Variants in CYP2J2 observed in about 807,000 individuals in gnomAD.
CYP2J2 encodes cytochrome P450 family 2 subfamily J member 2, also known as cytochrome P450 2J2.
In CYP2J2, 41 loss-of-function variants were observed where a neutral mutation model predicts 48.8. That is an observed-to-expected ratio of 0.84 (90% CI 0.66 to 1.09). The LOEUF (loss-of-function observed/expected upper bound fraction) is 1.09. CYP2J2 is among the 50% of genes least tolerant of loss of function. The pLI, the probability that CYP2J2 is intolerant of heterozygous loss-of-function variation, is 0.00. For synonymous variants in CYP2J2, 221 were observed against 227.1 expected (o/e 0.97, Z 0.24); for missense variants, 644 against 617.3 (o/e 1.04, Z -0.46).
intron 6 of CYP2J2, among the ~76,000 whole-genome samples, chr1:59,906,139 T>A (rs544575252): frequency 6.6e-6 from 1 of 152,320 alleles, no homozygotes; most frequent in African/African-American, 2.4e-5. Context: ...TGAGCCGAGA[T>A]GGTGCCACTG....
chr1:59,904,138 C>T (rs888291969), intron 7 of CYP2J2, among the ~76,000 whole-genome samples: 17 of 152,036 alleles, frequency 1.1e-4, no homozygotes, highest in African/African-American at 3.9e-4. Context: ...TTTGGGAGGC[C>T]GAGGTGGGTG....
At position 59,912,163 on chromosome 1, in the gene CYP2J2, G is replaced by A. The variant is rs772309732; in HGVS notation, c.522C>T (p.Asn174=). Reference sequence around the variant, plus strand: ...ACCTCTGTCATATGCAATGCTCACCGTTCTCCTCTTTTATTGCTTCAGTGA... The same window carrying A: ...ACCTCTGTCATATGCAATGCTCACCATTCTCCTCTTTTATTGCTTCAGTGA... ...QHLTEAIKEE[N]GQPFDPHFKI... Residue 174 remains asparagine (N), a splice_region_variant and synonymous_variant, in exon 3 of 9, where the codon AAC becomes AAT. Transcript: ENST00000371204. The A allele has an allele frequency of 1.8e-5, 29 of 1,612,150 alleles. No homozygotes were observed. Among genetic ancestry groups the A allele is most frequent in the Middle Eastern group, 1.6e-4 (1 of 6,070 alleles).
intron 6 of CYP2J2, among the ~76,000 whole-genome samples, chr1:59,906,044 G>A (rs1403341124): frequency 6.6e-6 from 1 of 152,134 alleles, no homozygotes; most frequent in Non-Finnish European, 1.5e-5. Flanking sequence ...AAATTAGCCG[G>A]GCGTGGTGGC....
the CYP2J2 span, among the ~76,000 whole-genome samples, chr1:59,959,551 G>GAT: frequency 4.2e-4 from 63 of 151,498 alleles, no homozygotes; most frequent in East Asian, 4.5e-3. Flanking sequence ...AAATGTGAGA[G>GAT]ATATATATAT....
At chr1:59,915,317 T>A (rs1031410014) in intron 2 of CYP2J2, among the ~76,000 whole-genome samples, 3 of 152,228 alleles carry the variant, frequency 2.0e-5, no homozygotes, top group Non-Finnish European at 4.4e-5. Flanking sequence ...CAGTCTCTTG[T>A]CCCACTTGAG....
intron 7 of CYP2J2, among the ~76,000 whole-genome samples, chr1:59,901,928 T>C (rs999729025): frequency 6.6e-5 from 10 of 152,114 alleles, no homozygotes; most frequent in African/African-American, 2.4e-4. Context: ...CCACTGCTCA[T>C]ACCTAGGACT....
chr1:59,955,036 G>A, the CYP2J2 span, among the ~76,000 whole-genome samples: 1 of 151,892 alleles, frequency 6.6e-6, no homozygotes, highest in African/African-American at 2.4e-5. Flanking sequence ...TACTTGGGAG[G>A]CTGAGGTGGG....
chr1:59,911,671 C>G lies in CYP2J2; in HGVS notation c.621G>C (p.Trp207Cys), dbSNP rs1644415543. 4 of 1,613,232 alleles carry G rather than the reference C, an allele frequency of 2.5e-6. No homozygotes were observed. Among genetic ancestry groups the G allele is most frequent in the Non-Finnish European group, 3.4e-6 (4 of 1,179,450 alleles). ...FGERFEYQDS[W>C]FQQLLKLLDE... Reference sequence around the variant, plus strand: ...CTAGTAACTTCAGCAGCTGCTGAAACCAACTATCCTGGTACTCAAAGCGTT... The same window carrying G: ...CTAGTAACTTCAGCAGCTGCTGAAAGCAACTATCCTGGTACTCAAAGCGTT... The change falls in exon 4 of 9, where the codon TGG (tryptophan) becomes TGC (cysteine). Residue 207 changes from tryptophan (W) to cysteine (C), a missense_variant. Trp to Cys is a radical substitution (Grantham distance 215, BLOSUM62 -2). Coordinates refer to ENST00000371204, the MANE Select transcript of CYP2J2 (RefSeq NM_000775.4).
chr1:59,909,177 T>A (rs1465040484), intron 5 of CYP2J2, among the ~76,000 whole-genome samples: 1 of 152,196 alleles, frequency 6.6e-6, no homozygotes, highest in South Asian at 2.1e-4. Context: ...AATCCTGAGT[T>A]AATGCTACCC....
chr1:59,894,429 T>C (rs1343574126), intron 8 of CYP2J2, among the ~76,000 whole-genome samples: 1 of 152,144 alleles, frequency 6.6e-6, no homozygotes, highest in African/African-American at 2.4e-5. Flanking sequence ...GCATTTCTTC[T>C]GAAGTGTGGC....
chr1:59,928,625 G>C (rs1644588362), upstream of CYP2J2, among the ~76,000 whole-genome samples: 1 of 152,204 alleles, frequency 6.6e-6, no homozygotes. Flanking sequence ...GACTGGCTAA[G>C]AGGTCTAGGG....
chr1:59,913,566 A>C (rs1372663854), intron 2 of CYP2J2, among the ~76,000 whole-genome samples: 1 of 152,116 alleles, frequency 6.6e-6, no homozygotes, highest in Non-Finnish European at 1.5e-5. Context: ...TACCCATTTG[A>C]GTGTCACCTC....
At chr1:59,913,208 A>G (rs757593118) in intron 2 of CYP2J2, 3 of 152,126 alleles carry the variant, frequency 2.0e-5, no homozygotes, top group African/African-American at 7.2e-5. Flanking sequence ...GCAACTTCCT[A>G]TATATTTTGC....
In CYP2J2 at chr1:59,918,488, T is replaced by C. The variant is rs76476616; in HGVS notation, c.211-2388A>G. On this transcript the variant is annotated intron_variant, in intron 1 of 8. Coordinates refer to ENST00000371204, the MANE Select transcript of CYP2J2 (RefSeq NM_000775.4). The stretch of plus-strand genomic sequence containing the variant: ...TAGATAAAAAACTTGTATGGTATTA[T>C]CAACTGTTTAAACACGGGGTAGGAG... Among the ~76,000 whole-genome samples the C allele has an allele frequency of 4.2e-3, 637 of 152,298 alleles. 2 individuals are homozygous for C. Among genetic ancestry groups the C allele is most frequent in the Middle Eastern group, 0.01 (3 of 294 alleles).
chr1:59,903,937 C>T (rs1644343005), intron 7 of CYP2J2, among the ~76,000 whole-genome samples: 1 of 152,216 alleles, frequency 6.6e-6, no homozygotes, highest in African/African-American at 2.4e-5. Flanking sequence ...AGTAAACTTA[C>T]TCTGAGAATT....
the CYP2J2 span, among the ~76,000 whole-genome samples, chr1:59,967,587 T>C: frequency 6.6e-6 from 1 of 152,220 alleles, no homozygotes. Flanking sequence ...GTGTGTCGTC[T>C]TTCTGAGCAT....
At chr1:59,964,977 G>C in the CYP2J2 span, among the ~76,000 whole-genome samples, 1 of 152,164 alleles carries the variant, frequency 6.6e-6, no homozygotes, top group African/African-American at 2.4e-5. Flanking sequence ...AGGCCAGAAT[G>C]ACATATGAAA....
At chr1:59,945,265 T>C in the CYP2J2 span, among the ~76,000 whole-genome samples, 1 of 152,198 alleles carries the variant, frequency 6.6e-6, no homozygotes, top group Non-Finnish European at 1.5e-5. Flanking sequence ...TGACACTATT[T>C]TGTTATGAGA....
chr1:59,924,384 A>C (rs2102141309), intron 1 of CYP2J2, among the ~76,000 whole-genome samples: 1 of 152,284 alleles, frequency 6.6e-6, no homozygotes, highest in East Asian at 1.9e-4. Context: ...AGGGTAAATA[A>C]ATGAGTAAAT....
Sources: allele counts gnomAD v4.1 joint callset (sites outside exome capture counted in the v4.1 genomes callset), GRCh38; gene constraint gnomAD v4.1.1; transcripts MANE v1.5; gene names NCBI Gene and HGNC (gene_info 2026-07-23, HGNC 2026-07-21).